Variants in TMEM263 observed in about 807,000 individuals in gnomAD.
The protein encoded by TMEM263 is transmembrane protein 263.
TMEM263 carries 5 observed loss-of-function variants against 8.6 expected under a neutral mutation model. That is an observed-to-expected ratio of 0.58 (90% CI 0.31 to 1.23). The LOEUF is 1.23. TMEM263 is among the 50% of genes most tolerant of loss of function. TMEM263 has a pLI of 0.07. For missense variants in TMEM263, 104 were observed against 138.8 expected (o/e 0.75, Z 1.26); for synonymous variants, 50 against 47.9 (o/e 1.04, Z -0.18).
At chr12:106,963,994 G>T (rs553034968) in intron 2 of TMEM263, among the ~76,000 whole-genome samples, 9 of 152,196 alleles carry the variant, frequency 5.9e-5, no homozygotes, top group African/African-American at 1.4e-4. Context: ...TCTCTATAGG[G>T]TATGGTACCT....
chr12:106,962,265 T>C (rs1951787881), intron 2 of TMEM263, among the ~76,000 whole-genome samples: 1 of 149,822 alleles, frequency 6.7e-6, no homozygotes. Flanking sequence ...GCATACTTTC[T>C]TCCAGTCTTT....
At chr12:106,958,929 A>G (rs1263879746) in intron 2 of TMEM263, among the ~76,000 whole-genome samples, 1 of 152,138 alleles carries the variant, frequency 6.6e-6, no homozygotes, top group Non-Finnish European at 1.5e-5. Flanking sequence ...TGTTTTTAAT[A>G]GAAACTTGTG....
chr12:106,965,714 T>C lies in TMEM263; in HGVS notation c.-6-1397T>C, dbSNP rs185772497. On this transcript the variant is annotated intron_variant, in intron 2 of 3. Coordinates refer to ENST00000280756, the MANE Select transcript of TMEM263 (RefSeq NM_152261.4). The stretch of plus-strand genomic sequence containing the variant: ...TGACATATAGTCCTCTCTTTGTATT[T>C]ATTTTGTATTTATTTATTGCCTTTC... 1.5e-3 allele frequency among the ~76,000 whole-genome samples: 227 copies of C among 152,176 alleles called. 1 individual carries two copies. Among genetic ancestry groups the C allele is most frequent in the Admixed American group, 2.5e-3 (38 of 15,286 alleles).
intron 2 of TMEM263, among the ~76,000 whole-genome samples, chr12:106,957,890 G>C (rs1369872414): frequency 6.6e-6 from 1 of 152,176 alleles, no homozygotes; most frequent in African/African-American, 2.4e-5. Context: ...ATCTTTAAAA[G>C]CAGACTCTTC....
chr12:106,956,077 G>C lies in TMEM263; in HGVS notation c.-75+12G>C, dbSNP rs1593459280. On this transcript the variant is annotated intron_variant, in intron 1 of 3. Coordinates refer to ENST00000280756, the MANE Select transcript of TMEM263 (RefSeq NM_152261.4). The stretch of plus-strand genomic sequence containing the variant: ...CCGCGACCCCGGCGGTGAGTGAGTC[G>C]GGATGCGAGGGCAGGGGCGCAGTCC... 1.0e-6 allele frequency: 1 copy of C among 980,146 alleles called. No homozygotes were observed. The highest frequency in any genetic ancestry group is 1.1e-4 in the East Asian group (1 of 8,766). The allele number at this position is 980,146 out of a possible 1,614,324, so 60.7% of individuals were successfully genotyped here. A position where few individuals can be genotyped will look rare whatever the true frequency, so the allele number is the denominator to read the frequency against.
At chr12:106,957,961 G>A (rs879698409) in intron 2 of TMEM263, among the ~76,000 whole-genome samples, 23 of 152,182 alleles carry the variant, frequency 1.5e-4, no homozygotes, top group African/African-American at 4.6e-4. Context: ...AATGTACTCT[G>A]CTTGTTGGTG....
chr12:106,967,439 T>G lies in TMEM263; in HGVS notation c.64+259T>G, dbSNP rs181237946. 1,299 of 301,400 alleles carry G rather than the reference T, an allele frequency of 4.3e-3. 1 individual carries two copies. The highest frequency in any genetic ancestry group is 8.5e-3 in the Middle Eastern group (8 of 946). The allele number at this position is 301,400 out of a possible 1,614,324, so 18.7% of individuals were successfully genotyped here. On this transcript the variant is annotated intron_variant, in intron 3 of 3. Coordinates refer to ENST00000280756, the MANE Select transcript of TMEM263 (RefSeq NM_152261.4). The stretch of plus-strand genomic sequence containing the variant: ...ACACCTGGCTAATTTTTTGTATTTT[T>G]AGTAGAGACAGGGGTTTCATCATGC...
Position 106,967,164 on chromosome 12 carries a change from T to C in TMEM263, c.48T>C (p.Asn16=), listed in dbSNP as rs747532567. 1 of 1,595,014 alleles carries C rather than the reference T, an allele frequency of 6.3e-7. No homozygotes were observed. Among genetic ancestry groups the C allele is most frequent in the East Asian group, 2.3e-5 (1 of 44,434 alleles). ...KNQQEIPSYL[N]DEPPEGSMKD... Reference sequence around the variant, plus strand: ...AACAAGAAATCCCATCATACCTTAATGATGAACCACCAGAAGGTAAGTATG... The same window carrying C: ...AACAAGAAATCCCATCATACCTTAACGATGAACCACCAGAAGGTAAGTATG... Residue 16 remains asparagine (N), a synonymous_variant, in exon 3 of 4, where the codon AAT becomes AAC. Coordinates refer to ENST00000280756, the MANE Select transcript of TMEM263 (RefSeq NM_152261.4).
rs1458749509 is a variant in TMEM263 at position 106,956,177 on chromosome 12, GCCCAGC to G, written c.-75+113_-75+118del. ...TCACCTCCCAGTGCCCGGCCTGGCT[GCCCAGC>G]GGGGCCTTGGCGAGGCCCCAGCGGG... is the stretch of plus-strand genomic sequence containing the variant. On this transcript the variant is annotated intron_variant, in intron 1 of 3. Coordinates refer to ENST00000280756, the MANE Select transcript of TMEM263 (RefSeq NM_152261.4). 3.3e-5 allele frequency: 16 copies of G among 489,818 alleles called. No homozygotes were observed. In the East Asian group the frequency reaches 4.5e-4, roughly 14 times the overall value. 30.3% of individuals were successfully genotyped at this position (489,818 alleles called of 1,614,324 possible). A position where few individuals can be genotyped will look rare whatever the true frequency, so the allele number is the denominator to read the frequency against.
At chr12:106,970,134 A>G (rs1951900242) in intron 3 of TMEM263, among the ~76,000 whole-genome samples, 1 of 152,150 alleles carries the variant, frequency 6.6e-6, no homozygotes, top group Non-Finnish European at 1.5e-5. Context: ...TTACTTTTAC[A>G]TAGTATTAGC....
intron 2 of TMEM263, among the ~76,000 whole-genome samples, chr12:106,964,107 GTCT>G (rs1951814598): frequency 6.6e-6 from 1 of 152,166 alleles, no homozygotes; most frequent in Non-Finnish European, 1.5e-5. Context: ...GGACAAAGGT[GTCT>G]GTCCTCTTGA....
chr12:106,958,497 A>G (rs1005557187), intron 2 of TMEM263, among the ~76,000 whole-genome samples: 3 of 152,182 alleles, frequency 2.0e-5, no homozygotes, highest in African/African-American at 4.8e-5. Flanking sequence ...ATGTGATACT[A>G]TTGTACTGGG....
chr12:106,967,616 C>T (rs1951864087), intron 3 of TMEM263, among the ~76,000 whole-genome samples: 1 of 152,066 alleles, frequency 6.6e-6, no homozygotes. Context: ...AAATATGTCC[C>T]CAAAATAATT....
intron 2 of TMEM263, among the ~76,000 whole-genome samples, chr12:106,961,224 A>ATTTTTTTTTTTTTTTTTTTTTTTT (rs554707654): frequency 2.7e-5 from 2 of 75,116 alleles, no homozygotes; most frequent in African/African-American, 1.2e-4. Flanking sequence ...TGCCCAGTCA[A>ATTTTTTTTTTTTTTTTTTTTTTTT]TTTTTTTTTT....
At chr12:106,957,272 T>C (rs1355050660) in intron 2 of TMEM263, 123 bp downstream of exon 2, 1 of 622,114 alleles carries the variant, frequency 1.6e-6, no homozygotes, top group East Asian at 1.4e-4. Flanking sequence ...AAGTAGCCTT[T>C]GATAAACCCA....
chr12:106,971,532 A>G lies in TMEM263; in HGVS notation c.*141A>G. The G allele has an allele frequency of 1.1e-6, 1 of 879,518 alleles. No homozygotes were observed. The highest frequency in any genetic ancestry group is 1.7e-6 in the Non-Finnish European group (1 of 594,652). 54.5% of individuals were successfully genotyped at this position (879,518 alleles called of 1,614,324 possible). A position where few individuals can be genotyped will look rare whatever the true frequency, so the allele number is the denominator to read the frequency against. ...TTGAAAGTATTGATGACTGGCTTTCATCTAAAAAGAAGAGACCAATACGAG... is the reference window on the plus strand; with the variant it reads ...TTGAAAGTATTGATGACTGGCTTTCGTCTAAAAAGAAGAGACCAATACGAG... On this transcript the variant is annotated 3_prime_UTR_variant, in exon 4 of 4. Coordinates refer to ENST00000280756, the MANE Select transcript of TMEM263 (RefSeq NM_152261.4).
intron 3 of TMEM263, among the ~76,000 whole-genome samples, 166 bp from the exon 4 acceptor site, chr12:106,970,939 C>A (rs1437847262): frequency 1.3e-5 from 2 of 152,204 alleles, no homozygotes; most frequent in Non-Finnish European, 2.9e-5. Flanking sequence ...ACATGTACAA[C>A]TATACCCTGA....
chr12:106,958,689 T>G (rs1417107540), intron 2 of TMEM263, among the ~76,000 whole-genome samples: 9 of 152,274 alleles, frequency 5.9e-5, no homozygotes, highest in African/African-American at 2.2e-4. Flanking sequence ...AAGGTAGAAC[T>G]GATTTATGTC....
intron 2 of TMEM263, among the ~76,000 whole-genome samples, chr12:106,957,823 G>T (rs1019882327): frequency 1.3e-5 from 2 of 152,172 alleles, no homozygotes; most frequent in African/African-American, 4.8e-5. Context: ...TTTCTTCCTT[G>T]CTAGATTGAG....
Sources: gnomAD v4.1 joint callset for allele counts (sites outside exome capture counted in the v4.1 genomes callset) on GRCh38, gnomAD v4.1.1 for gene constraint, MANE v1.5 for transcripts, NCBI Gene and HGNC (gene_info 2026-07-23, HGNC 2026-07-21) for gene names.